AKAP13: variants seen among roughly 807,000 people sequenced by gnomAD.
AKAP13 encodes A-kinase anchor protein 13.
Under a neutral mutation model 264.5 loss-of-function variants are expected in AKAP13, and 80 were observed. The ratio of observed to expected loss-of-function variants is 0.30; its 90% CI spans 0.25 to 0.36. The LOEUF is 0.36. AKAP13 is among the 10% of genes least tolerant of loss of function. The pLI is 1.00. For synonymous variants in AKAP13, 1,380 were observed against 1,250.2 expected (o/e 1.10, Z -2.19); for missense variants, 3,712 against 3,435.2 (o/e 1.08, Z -2.01).
rs552249417 is a variant in AKAP13 at position 85,630,164 on chromosome 15, CAT to C, written c.4162-9208_4162-9207del. Among the ~76,000 whole-genome samples, 814 of 107,912 alleles carry C rather than the reference CAT, an allele frequency of 7.5e-3. 4 individuals carry two copies. Among genetic ancestry groups the C allele is most frequent in the Middle Eastern group, 0.04 (9 of 224 alleles). The allele number at this position is 107,912 out of a possible 152,430, so 70.8% of individuals were successfully genotyped here. A position where few individuals can be genotyped will look rare whatever the true frequency, so the allele number is the denominator to read the frequency against. ...CTTCTCTATTCTCTGTTTTTTAACA[CAT>C]ACACACACACACACACACACACACA... On this transcript the variant is annotated intron_variant, in intron 8 of 36. Coordinates refer to ENST00000394518, the MANE Select transcript of AKAP13 (RefSeq NM_007200.5).
At chr15:85,707,693 C>T (rs2151688485) in intron 17 of AKAP13, among the ~76,000 whole-genome samples, 1 of 152,234 alleles carries the variant, frequency 6.6e-6, no homozygotes, top group South Asian at 2.1e-4. Flanking sequence ...ACATCTGTTG[C>T]TTCCTAAGGG....
Position 85,749,224 on chromosome 15 carries a change from G to T in AKAP13, c.*4547G>T, listed in dbSNP as rs1456181511. 1.3e-5 allele frequency: 2 copies of T among 152,156 alleles called. No individual in the cohort carries two copies. Among genetic ancestry groups the T allele is most frequent in the African/African-American group, 4.8e-5 (2 of 41,442 alleles). The allele number at this position is 152,156 out of a possible 1,614,324, so 9.4% of individuals were successfully genotyped here. On this transcript the variant is annotated 3_prime_UTR_variant, in exon 37 of 37. Transcript: ENST00000394518. ...TTTTAAACTGTAAAGATTTTTTTCA[G>T]TGTGTTTTCTCGAATTTTGCCACAA...
chr15:85,740,978 G>T, intron 34 of AKAP13, 68 bp from the exon 35 acceptor site: 1 of 1,540,108 alleles, frequency 6.5e-7, no homozygotes, highest in South Asian at 1.3e-5. Context: ...CTGTGGGGTC[G>T]GGAGGGATCC....
intron 8 of AKAP13, among the ~76,000 whole-genome samples, chr15:85,633,390 C>T (rs1346186285): frequency 6.6e-6 from 1 of 151,830 alleles, no homozygotes; most frequent in Non-Finnish European, 1.5e-5. Context: ...AATTTTTTCC[C>T]TTCCAGCTTA....
chr15:85,421,510 A>G (rs1051867471), intron 1 of AKAP13, among the ~76,000 whole-genome samples: 1 of 152,288 alleles, frequency 6.6e-6, no homozygotes, highest in African/African-American at 2.4e-5. Flanking sequence ...CACTGTCAGA[A>G]TGAAAGCCCA....
intron 5 of AKAP13, among the ~76,000 whole-genome samples, chr15:85,569,350 A>T (rs1447689660): frequency 6.6e-5 from 10 of 152,124 alleles, no homozygotes; most frequent in African/African-American, 2.4e-4. Flanking sequence ...GATGAGGAAG[A>T]GGAGCCAGGG....
intron 9 of AKAP13, among the ~76,000 whole-genome samples, chr15:85,640,088 T>C (rs1567169965): frequency 6.6e-6 from 1 of 152,182 alleles, no homozygotes. Context: ...ATTCCCAACT[T>C]TTAAACCAGG....
In AKAP13 at chr15:85,747,680, T is replaced by C. The variant is rs939904623; in HGVS notation, c.*3003T>C. ...TCAAGACAATCAAATGTATTGACTG[T>C]GTTTTCTTCTTAGAAAATGGAGAGG... is the stretch of plus-strand genomic sequence containing the variant. On this transcript the variant is annotated 3_prime_UTR_variant, in exon 37 of 37. Coordinates refer to ENST00000394518, the MANE Select transcript of AKAP13 (RefSeq NM_007200.5). 6.6e-6 allele frequency: 1 copy of C among 152,656 alleles called. No individual in the cohort carries two copies. Among genetic ancestry groups the C allele is most frequent in the Admixed American group, 6.5e-5 (1 of 15,284 alleles). The allele number at this position is 152,656 out of a possible 1,614,324, so 9.5% of individuals were successfully genotyped here. A position where few individuals can be genotyped will look rare whatever the true frequency, so the allele number is the denominator to read the frequency against.
At chr15:85,732,649 T>C (rs905836395) in intron 30 of AKAP13, among the ~76,000 whole-genome samples, 3 of 150,430 alleles carry the variant, frequency 2.0e-5, no homozygotes, top group African/African-American at 7.3e-5. Flanking sequence ...ACATTGCAAA[T>C]CCTTGTTCTT....
At chr15:85,505,266 A>G (rs1334486947) in intron 2 of AKAP13, among the ~76,000 whole-genome samples, 1 of 152,224 alleles carries the variant, frequency 6.6e-6, no homozygotes, top group Non-Finnish European at 1.5e-5. Context: ...ATTGAGCGCC[A>G]TCTGCTGGCT....
chr15:85,579,075 C>A lies in AKAP13; in HGVS notation c.1007C>A (p.Thr336Asn). 6.2e-7 allele frequency: 1 copy of A among 1,614,156 alleles called. No individual in the cohort carries two copies. Among genetic ancestry groups the A allele is most frequent in the Non-Finnish European group, 8.5e-7 (1 of 1,180,032 alleles). Residue 336 changes from threonine to asparagine, a missense_variant, in exon 7 of 37, where the codon ACT becomes AAT. Thr to Asn is a moderately conservative substitution (Grantham distance 65). Around this residue, in one of 3 missense-constraint regions of AKAP13, gnomAD observed 2,759 missense variants for 2,411.7 expected, o/e 1.14. Transcript: ENST00000394518. ...DPQRLSSSEE[T>N]ESTQCCPGSP... is the part of the protein sequence containing the mutation. ...CAGCGACTTTCTTCTTCTGAAGAGA[C>A]TGAGAGCACTCAGTGCTGCCCAGGG... is the stretch of plus-strand genomic sequence containing the variant.
At chr15:85,561,715 CTT>C (rs1167722975) in intron 5 of AKAP13, among the ~76,000 whole-genome samples, 1 of 152,086 alleles carries the variant, frequency 6.6e-6, no homozygotes, top group Non-Finnish European at 1.5e-5. Context: ...AAAAATACAA[CTT>C]TGGCTATTGG....
intron 33 of AKAP13, among the ~76,000 whole-genome samples, chr15:85,737,128 C>T (rs1012377969): frequency 1.3e-5 from 2 of 152,162 alleles, no homozygotes; most frequent in East Asian, 1.9e-4. Flanking sequence ...TCATGTTGTC[C>T]GGGCTGATCT....
chr15:85,740,377 A>C (rs2088862764), intron 34 of AKAP13, 105 bp downstream of exon 34: 1 of 1,325,052 alleles, frequency 7.5e-7, no homozygotes, highest in Non-Finnish European at 1.1e-6. Flanking sequence ...TTTAATGGAT[A>C]AATGGGGCCC....
chr15:85,589,252 G>C (rs1377243913), intron 8 of AKAP13, among the ~76,000 whole-genome samples: 1 of 152,148 alleles, frequency 6.6e-6, no homozygotes, highest in Non-Finnish European at 1.5e-5. Flanking sequence ...GTAAAGGACA[G>C]ATTTTGTAAA....
At chr15:85,695,707 C>G (rs1002491257) in intron 17 of AKAP13, among the ~76,000 whole-genome samples, 4 of 152,214 alleles carry the variant, frequency 2.6e-5, no homozygotes, top group Non-Finnish European at 4.4e-5. Flanking sequence ...CCTCATGCAT[C>G]CCTGTGGGCA....
rs762856880 is a variant in AKAP13, at chr15:85,741,285, G to T, written c.7848G>T (p.Glu2616Asp). The change falls in exon 35 of 37, where the codon GAG becomes GAT. Residue 2616 changes from glutamate (E) to aspartate (D), a missense_variant. Around this residue, in one of 3 missense-constraint regions of AKAP13, gnomAD observed 611 missense variants for 539.3 expected, o/e 1.13. Coordinates refer to ENST00000394518, the MANE Select transcript of AKAP13 (RefSeq NM_007200.5). ...EARERELREREALLAQREEEV... is the reference protein window; with the variant it reads ...EARERELRERDALLAQREEEV... ...GTGAGAGGGAGCTGCGGGAGCGGGAGGCCCTCCTGGCCCAGCGCGAGGAGG... is the reference window on the plus strand; with the variant it reads ...GTGAGAGGGAGCTGCGGGAGCGGGATGCCCTCCTGGCCCAGCGCGAGGAGG... 1 of 1,610,876 alleles carries T rather than the reference G, an allele frequency of 6.2e-7. No homozygotes were observed. Among genetic ancestry groups the T allele is most frequent in the African/African-American group, 1.3e-5 (1 of 75,022 alleles).
rs1387993966 is a variant in AKAP13 at position 85,581,397 on chromosome 15, A to G, written c.3329A>G (p.His1110Arg). The G allele has an allele frequency of 6.2e-7, 1 of 1,614,240 alleles. No homozygotes were observed. The highest frequency in any genetic ancestry group is 8.5e-7 in the Non-Finnish European group (1 of 1,180,032). ...GAGCCCAGAAGAGAGAATATATCAC[A>G]CAACACCCAAGACATCCTGATTCCA... ...MAEPRRENISHNTQDILIPNV... is the reference protein window; with the variant it reads ...MAEPRRENISRNTQDILIPNV... The change falls in exon 7 of 37, where the codon CAC becomes CGC. Residue 1110 changes from histidine (H) to arginine (R), a missense_variant. His to Arg is a conservative substitution (Grantham distance 29, BLOSUM62 0). Coordinates refer to ENST00000394518, the MANE Select transcript of AKAP13 (RefSeq NM_007200.5).
intron 8 of AKAP13, among the ~76,000 whole-genome samples, chr15:85,606,924 C>T (rs776700401): frequency 5.3e-5 from 8 of 152,182 alleles, no homozygotes; most frequent in Non-Finnish European, 1.0e-4. Flanking sequence ...ACTAGTATTT[C>T]AGCCTTCTGG....
Sources: allele counts gnomAD v4.1 joint callset (sites outside exome capture counted in the v4.1 genomes callset), GRCh38; gene constraint gnomAD v4.1.1; regional missense constraint gnomAD v4.1.1; transcripts MANE v1.5; gene names NCBI Gene and HGNC (gene_info 2026-07-23, HGNC 2026-07-21).